Variants in LIN28A observed in about 807,000 individuals in gnomAD.
LIN28A encodes lin-28 RNA binding posttranscriptional regulator A, also known as protein lin-28 homolog A.
Under a neutral mutation model 21.1 loss-of-function variants are expected in LIN28A, and 11 were observed. The observed-to-expected ratio is 0.52, with a 90% CI of 0.33 to 0.86. The LOEUF is 0.86. Among genes scored for constraint, LIN28A ranks in the 40% least tolerant of loss-of-function variants. The pLI is 0.03. For missense variants in LIN28A, 219 were observed against 279.8 expected (o/e 0.78, Z 1.55); for synonymous variants, 111 against 108.7 (o/e 1.02, Z -0.13).
chr1:26,413,883 A>G (rs1451106272), intron 2 of LIN28A, among the ~76,000 whole-genome samples: 1 of 138,534 alleles, frequency 7.2e-6, no homozygotes, highest in Non-Finnish European at 1.5e-5. Context: ...GCTGGAGTGC[A>G]ATGGCATGAT....
At chr1:26,413,153 C>T (rs911107311) in intron 2 of LIN28A, among the ~76,000 whole-genome samples, 3 of 152,094 alleles carry the variant, frequency 2.0e-5, no homozygotes. Flanking sequence ...GGTAGCAAGC[C>T]TCCCCCACTC....
intron 2 of LIN28A, among the ~76,000 whole-genome samples, chr1:26,423,837 A>T (rs574514847): frequency 6.6e-6 from 1 of 151,794 alleles, no homozygotes; most frequent in East Asian, 2.0e-4. Context: ...ATCTCAGCTC[A>T]CTGCAAGCTC....
intron 2 of LIN28A, among the ~76,000 whole-genome samples, chr1:26,424,626 A>C (rs1218226212): frequency 2.0e-5 from 3 of 152,182 alleles, no homozygotes; most frequent in African/African-American, 7.2e-5. Context: ...GCTGGAGTGC[A>C]AAGGCGCCAT....
chr1:26,414,754 T>C (rs1174822259), intron 2 of LIN28A, among the ~76,000 whole-genome samples: 2 of 152,158 alleles, frequency 1.3e-5, no homozygotes, highest in African/African-American at 4.8e-5. Flanking sequence ...CTATGTATTA[T>C]AGGATGTACA....
At chr1:26,418,794 GA>G (rs1235575209) in intron 2 of LIN28A, among the ~76,000 whole-genome samples, 2 of 152,210 alleles carry the variant, frequency 1.3e-5, no homozygotes, top group Non-Finnish European at 2.9e-5. Context: ...GCAAGCCAGA[GA>G]AGGGAGATGG....
At chr1:26,425,156 T>C in intron 2 of LIN28A, 147 bp from the exon 3 acceptor site, 1 of 719,654 alleles carries the variant, frequency 1.4e-6, no homozygotes, top group Admixed American at 3.0e-5. Flanking sequence ...TTGTTCTTAA[T>C]CGTAGTGACT....
At position 26,411,490 on chromosome 1, in the gene LIN28A, T is replaced by A. The variant is rs777489782; in HGVS notation, c.136T>A (p.Trp46Arg). The stretch of plus-strand genomic sequence containing the variant: ...GCTGCACGGTGCGGGCATCTGTAAG[T>A]GGTTCAACGTGCGCATGGGGTTCGG... Reference protein sequence around the residue: ...QLLHGAGICKWFNVRMGFGFL... With the variant: ...QLLHGAGICKRFNVRMGFGFL... Residue 46 changes from tryptophan (W) to arginine (R), a missense_variant, in exon 2 of 4, where the codon TGG becomes AGG. Trp to Arg is a moderately radical substitution (Grantham distance 101). This residue lies in a region of LIN28A where 124 missense variants were observed against 193.1 expected (regional missense o/e 0.64). Coordinates refer to ENST00000326279, the MANE Select transcript of LIN28A (RefSeq NM_024674.6). This position sits in a 1 kb window ranked among gnomAD's most constrained non-coding sequence, Gnocchi z 5.4. 1.2e-6 allele frequency: 2 copies of A among 1,614,044 alleles called. No homozygotes were observed. Among genetic ancestry groups the A allele is most frequent in the Non-Finnish European group, 1.7e-6 (2 of 1,179,976 alleles).
At chr1:26,417,843 G>A (rs1345797259) in intron 2 of LIN28A, among the ~76,000 whole-genome samples, 2 of 152,156 alleles carry the variant, frequency 1.3e-5, no homozygotes, top group African/African-American at 2.4e-5. Context: ...GTAGAGACCT[G>A]CACTACAGAA....
In LIN28A at chr1:26,411,381, T is replaced by C; in HGVS notation, c.32-5T>C. The C allele has an allele frequency of 6.3e-7, 1 of 1,586,038 alleles. No homozygotes were observed. Among genetic ancestry groups the C allele is most frequent in the Non-Finnish European group, 8.6e-7 (1 of 1,168,824 alleles). ...AGCTAAGTGCCCGGCCCTCCCTCTC[T>C]CCAGGTGGCTGCGCCAAGGCGGCAG... On this transcript the variant is annotated splice_region_variant and splice_polypyrimidine_tract_variant and intron_variant, in intron 1 of 3. Coordinates refer to ENST00000326279, the MANE Select transcript of LIN28A (RefSeq NM_024674.6). This position sits in a 1 kb window ranked among gnomAD's most constrained non-coding sequence, Gnocchi z 5.4.
At chr1:26,413,229 A>G (rs554333768) in intron 2 of LIN28A, among the ~76,000 whole-genome samples, 9 of 152,224 alleles carry the variant, frequency 5.9e-5, no homozygotes, top group East Asian at 1.9e-4. Context: ...AGCTCCCCCA[A>G]CTTTGGGAGG....
chr1:26,420,701 C>T (rs897211264), intron 2 of LIN28A, among the ~76,000 whole-genome samples: 4 of 152,068 alleles, frequency 2.6e-5, no homozygotes, highest in African/African-American at 9.7e-5. Flanking sequence ...TATTACCCCC[C>T]AGCCACCAGC....
intron 2 of LIN28A, among the ~76,000 whole-genome samples, chr1:26,423,076 CAG>C (rs778559859): frequency 3.9e-5 from 6 of 151,916 alleles, no homozygotes; most frequent in East Asian, 3.9e-4. Flanking sequence ...GTGAGCCAGA[CAG>C]AGTCTCGCTC....
At chr1:26,414,233 G>C (rs1377036826) in intron 2 of LIN28A, among the ~76,000 whole-genome samples, 2 of 136,338 alleles carry the variant, frequency 1.5e-5, no homozygotes, top group East Asian at 3.0e-4. Flanking sequence ...TCCCGAAGCA[G>C]AGGGTAAGAA....
chr1:26,425,700 C>T (rs948442031), intron 3 of LIN28A, among the ~76,000 whole-genome samples: 20 of 152,284 alleles, frequency 1.3e-4, no homozygotes, highest in African/African-American at 4.8e-4. Flanking sequence ...AGTAAGTTTG[C>T]TCTGTGGTCT....
At chr1:26,412,969 C>G (rs902348888) in intron 2 of LIN28A, among the ~76,000 whole-genome samples, 9 of 152,104 alleles carry the variant, frequency 5.9e-5, no homozygotes, top group Admixed American at 2.0e-4. Flanking sequence ...TCCCCCAACC[C>G]CCCATTAGAC....
intron 1 of LIN28A, 58 bp downstream of exon 1, chr1:26,410,980 G>T: frequency 6.3e-7 from 1 of 1,579,790 alleles, no homozygotes; most frequent in Non-Finnish European, 8.6e-7. Flanking sequence ...CAGGAGCCAC[G>T]TAGAAGGGAG....
At chr1:26,423,486 C>T (rs1297995405) in intron 2 of LIN28A, among the ~76,000 whole-genome samples, 15 of 133,946 alleles carry the variant, frequency 1.1e-4, no homozygotes, top group Non-Finnish European at 9.4e-5. Flanking sequence ...CTTGGCTCAC[C>T]GCAACCTCCG....
At position 26,411,014 on chromosome 1, in the gene LIN28A, C is replaced by T. The variant is rs2074954654; in HGVS notation, c.31+92C>T. 1 of 1,466,894 alleles carries T rather than the reference C, an allele frequency of 6.8e-7. No homozygotes were observed. The highest frequency in any genetic ancestry group is 9.2e-7 in the Non-Finnish European group (1 of 1,087,780). 90.9% of individuals were successfully genotyped at this position (1,466,894 alleles called of 1,614,324 possible). A position where few individuals can be genotyped will look rare whatever the true frequency, so the allele number is the denominator to read the frequency against. On this transcript the variant is annotated intron_variant, in intron 1 of 3. Coordinates refer to ENST00000326279, the MANE Select transcript of LIN28A (RefSeq NM_024674.6). This position sits in a 1 kb window ranked among gnomAD's most constrained non-coding sequence, Gnocchi z 5.4. ...AGGTGGGGAACTGAGTCCTAGGCTG[C>T]CCAAAGGACCCCAAGACGGTGCGGC...
chr1:26,422,921 C>T (rs1444659517), intron 2 of LIN28A, among the ~76,000 whole-genome samples: 1 of 151,864 alleles, frequency 6.6e-6, no homozygotes, highest in African/African-American at 2.4e-5. Context: ...TAAATGTATT[C>T]TGAGGGTTTT....
Sources: allele counts gnomAD v4.1 joint callset (sites outside exome capture counted in the v4.1 genomes callset), GRCh38; gene constraint gnomAD v4.1.1; regional missense constraint gnomAD v4.1.1; non-coding constraint Gnocchi (gnomAD v3.1); transcripts MANE v1.5; gene names NCBI Gene and HGNC (gene_info 2026-07-23, HGNC 2026-07-21).